Variants in PPTC7 observed in about 807,000 individuals in gnomAD.
PPTC7 encodes protein phosphatase targeting COQ7.
PPTC7 carries 6 observed loss-of-function variants against 30.8 expected under a neutral mutation model. The observed-to-expected ratio is 0.19, with a 90% CI of 0.11 to 0.38. The LOEUF is 0.38. PPTC7 is among the 10% of genes least tolerant of loss of function. PPTC7 has a pLI of 1.00. For missense variants in PPTC7, 218 were observed against 404.8 expected, an observed-to-expected ratio of 0.54 and a Z score of 3.96; for synonymous variants, 163 against 168.1, an observed-to-expected ratio of 0.97 and a Z score of 0.23.
intron 1 of PPTC7, among the ~76,000 whole-genome samples, chr12:110,563,609 C>A: frequency 6.7e-6 from 1 of 149,426 alleles, no homozygotes; most frequent in Non-Finnish European, 1.5e-5. Flanking sequence ...GAGCGAAAAT[C>A]TGTCTCAAAA....
At chr12:110,556,231 T>G (rs561978589) in intron 1 of PPTC7, among the ~76,000 whole-genome samples, 13 of 152,302 alleles carry the variant, frequency 8.5e-5, no homozygotes, top group Admixed American at 1.3e-4. Flanking sequence ...GGGCAAAGGA[T>G]GCCAAGCAAA....
intron 1 of PPTC7, among the ~76,000 whole-genome samples, chr12:110,571,086 C>T (rs1240521069): frequency 6.6e-6 from 1 of 152,200 alleles, no homozygotes; most frequent in East Asian, 1.9e-4. Flanking sequence ...ACGAGAGATC[C>T]CGAGGACGTC....
chr12:110,539,553 C>G (rs968249442), intron 4 of PPTC7, among the ~76,000 whole-genome samples: 2 of 152,148 alleles, frequency 1.3e-5, no homozygotes, highest in Non-Finnish European at 1.5e-5. Flanking sequence ...AACCAGGACC[C>G]GACACCATTA....
chr12:110,538,891 C>T (rs1209999740), intron 4 of PPTC7, among the ~76,000 whole-genome samples: 1 of 152,178 alleles, frequency 6.6e-6, no homozygotes. Context: ...GTCCCTTCTA[C>T]TCTCTATTCC....
At chr12:110,574,140 TTAAAAAA>T (rs2064565659) in intron 1 of PPTC7, among the ~76,000 whole-genome samples, 1 of 11,208 alleles carries the variant, frequency 8.9e-5, no homozygotes, top group African/African-American at 3.1e-4. Flanking sequence ...TCCACAATAA[TTAAAAAA>T]AAAAAAAAAA....
intron 1 of PPTC7, among the ~76,000 whole-genome samples, chr12:110,553,526 C>T (rs2064364597): frequency 6.6e-6 from 1 of 152,070 alleles, no homozygotes. Flanking sequence ...TGCCAATAAT[C>T]CCAGCACGTT....
chr12:110,582,903 G>A lies in PPTC7; in HGVS notation c.129C>T (p.Phe43=), dbSNP rs759814373. ...GGAGGCCCTTACGGAAGTCCTTCCC[G>A]AAGCCGCAGCCGGCCGTCACCAGTC... is the stretch of plus-strand genomic sequence containing the variant. ...DYGLVTAGCG[F]GKDFRKGLLK... The change falls in exon 1 of 6, where the codon TTC becomes TTT. Residue 43 remains phenylalanine, a synonymous_variant. Transcript: ENST00000354300. 4 of 1,551,642 alleles carry A rather than the reference G, an allele frequency of 2.6e-6. No individual in the cohort carries two copies. The highest frequency in any genetic ancestry group is 3.9e-5 in the Admixed American group (2 of 51,516).
In PPTC7 at chr12:110,564,578, C is replaced by T. The variant is rs368612269; in HGVS notation, c.224-12610G>A. ...CTATTTACCCACTGCTTTCTTCACC[C>T]TCTATAAAAATAAGGGCTGGCCTTG... On this transcript the variant is annotated intron_variant, in intron 1 of 5. Transcript: ENST00000354300. Among the ~76,000 whole-genome samples, 103 of 152,216 alleles carry T rather than the reference C, an allele frequency of 6.8e-4. 2 individuals are homozygous for T. In the South Asian group the frequency reaches 0.021, roughly 31 times the overall value.
Position 110,538,218 on chromosome 12 carries a change from T to A in PPTC7, c.782A>T (p.His261Leu), listed in dbSNP as rs766925219. ...QTARSIAEQAHELAYDPNYMS... is the reference protein window; with the variant it reads ...QTARSIAEQALELAYDPNYMS... ...ATAATTTGGGTCATAGGCCAGCTCA[T>A]GAGCTTGCTCAGCAATGCTTCTGGC... The change falls in exon 5 of 6, where the codon CAT becomes CTT. Residue 261 changes from histidine to leucine, a missense_variant. Physicochemically the swap from His to Leu is moderately conservative, Grantham distance 99. Transcript: ENST00000354300. 6.2e-7 allele frequency: 1 copy of A among 1,611,808 alleles called. No homozygotes were observed. The highest frequency in any genetic ancestry group is 8.5e-7 in the Non-Finnish European group (1 of 1,177,934).
chr12:110,562,585 G>A (rs2064447492), intron 1 of PPTC7, among the ~76,000 whole-genome samples: 1 of 151,988 alleles, frequency 6.6e-6, no homozygotes, highest in Admixed American at 6.6e-5. Context: ...TTGAGGTCAG[G>A]AGTTTGAGAC....
At chr12:110,574,151 A>T (rs2064566968) in intron 1 of PPTC7, among the ~76,000 whole-genome samples, 1 of 136,336 alleles carries the variant, frequency 7.3e-6, no homozygotes, top group African/African-American at 2.9e-5. Flanking sequence ...TAAAAAAAAA[A>T]AAAAAAAAAA....
chr12:110,576,113 T>A (rs2064586878), intron 1 of PPTC7, among the ~76,000 whole-genome samples: 1 of 152,104 alleles, frequency 6.6e-6, no homozygotes, highest in African/African-American at 2.4e-5. Context: ...CCTAGATGGC[T>A]CTTTTACTAA....
rs1174812675 is a variant in PPTC7, at chr12:110,534,641, G to T, written c.*2396C>A. 1.3e-5 allele frequency: 2 copies of T among 152,052 alleles called. No homozygotes were observed. Among genetic ancestry groups the T allele is most frequent in the Non-Finnish European group, 2.9e-5 (2 of 68,012 alleles). The allele number at this position is 152,052 out of a possible 1,614,324, so 9.4% of individuals were successfully genotyped here. A position where few individuals can be genotyped will look rare whatever the true frequency, so the allele number is the denominator to read the frequency against. ...AGTGCATAACACAAAAAGAACAGGG[G>T]AAAATAGAGAAAATATTTTATGTCA... On this transcript the variant is annotated 3_prime_UTR_variant, in exon 6 of 6. Coordinates refer to ENST00000354300, the MANE Select transcript of PPTC7 (RefSeq NM_139283.2).
In PPTC7 at chr12:110,533,531, A is replaced by T. The variant is rs747329212; in HGVS notation, c.*3506T>A. On this transcript the variant is annotated 3_prime_UTR_variant, in exon 6 of 6. Transcript: ENST00000354300. ...AGAAGTTCAATTTTGCAAAGAATTT[A>T]ATTTTAAATAAATAGAATCCAAATA... 5.3e-5 allele frequency: 8 copies of T among 152,228 alleles called. No homozygotes were observed. The highest frequency in any genetic ancestry group is 1.2e-4 in the Non-Finnish European group (8 of 68,034). 9.4% of individuals were successfully genotyped at this position (152,228 alleles called of 1,614,324 possible).
chr12:110,558,404 A>C (rs75762388), intron 1 of PPTC7, among the ~76,000 whole-genome samples: 1 of 152,238 alleles, frequency 6.6e-6, no homozygotes, highest in Non-Finnish European at 1.5e-5. Context: ...GCCAAGATAA[A>C]GAGGTTGCAC....
intron 1 of PPTC7, among the ~76,000 whole-genome samples, chr12:110,574,295 A>G (rs2064568961): frequency 6.6e-6 from 1 of 152,042 alleles, no homozygotes; most frequent in African/African-American, 2.4e-5. Flanking sequence ...CATTAAGTGG[A>G]GATAAGAGCA....
At chr12:110,572,549 C>A (rs1158307444) in intron 1 of PPTC7, among the ~76,000 whole-genome samples, 2 of 152,202 alleles carry the variant, frequency 1.3e-5, no homozygotes, top group Non-Finnish European at 2.9e-5. Context: ...GAGAACAGTG[C>A]AAACGTGTGT....
rs148515756 is a variant in PPTC7 at position 110,539,071 on chromosome 12, G to A, written c.726+751C>T. Among the ~76,000 whole-genome samples, 1,169 of 152,300 alleles carry A rather than the reference G, an allele frequency of 7.7e-3. 24 individuals are homozygous for A. Among genetic ancestry groups the A allele is most frequent in the African/African-American group, 0.026 (1,090 of 41,558 alleles). On this transcript the variant is annotated intron_variant, in intron 4 of 5. Coordinates refer to ENST00000354300, the MANE Select transcript of PPTC7 (RefSeq NM_139283.2). ...AGAGCACGGTGCCTGTGACAAGGAA[G>A]CACCTCACACTGACTGCACTCCACA... is the stretch of plus-strand genomic sequence containing the variant.
intron 1 of PPTC7, among the ~76,000 whole-genome samples, chr12:110,554,637 A>G (rs533173876): frequency 6.6e-6 from 1 of 152,222 alleles, no homozygotes; most frequent in African/African-American, 2.4e-5. Context: ...ATCAAGAGGA[A>G]ATTAGTGTTT....
Sources: allele counts gnomAD v4.1 joint callset (sites outside exome capture counted in the v4.1 genomes callset), GRCh38; gene constraint gnomAD v4.1.1; transcripts MANE v1.5; gene names NCBI Gene and HGNC (gene_info 2026-07-23, HGNC 2026-07-21).